Variants in CELF2 observed in about 807,000 individuals in gnomAD.
CELF2 encodes CUGBP Elav-like family member 2.
CELF2 carries 8 observed loss-of-function variants against 62.6 expected under a neutral mutation model. That is an observed-to-expected ratio of 0.13 (90% CI 0.07 to 0.23). CELF2 has a LOEUF of 0.23. Ranked by LOEUF, CELF2 falls within the 10% of genes least tolerant of loss-of-function variation. The probability of loss-of-function intolerance (pLI) is 1.00; values close to 1 mark genes in which losing one functional copy is unlikely to be tolerated. For missense variants in CELF2, 333 were observed against 671.0 expected, an observed-to-expected ratio of 0.50 and a Z score of 5.56; for synonymous variants, 258 against 250.0, an observed-to-expected ratio of 1.03 and a Z score of -0.30.
chr10:10,578,555 G>T, the CELF2 span, among the ~76,000 whole-genome samples: 1 of 152,028 alleles, frequency 6.6e-6, no homozygotes, highest in Non-Finnish European at 1.5e-5. Flanking sequence ...CTTTCATGAG[G>T]TCCTCTGTTA....
At chr10:11,140,954 C>T (rs2061253226) in intron 1 of CELF2, among the ~76,000 whole-genome samples, 1 of 152,166 alleles carries the variant, frequency 6.6e-6, no homozygotes, top group Admixed American at 6.5e-5. Context: ...GGTGTTGAGG[C>T]TACAGTGAGC....
chr10:10,628,274 G>A, the CELF2 span, among the ~76,000 whole-genome samples: 50 of 134,420 alleles, frequency 3.7e-4, no homozygotes, highest in African/African-American at 1.2e-3. Flanking sequence ...AATGTTATCA[G>A]TATCCTCATG....
At chr10:10,960,673 A>G (rs1454991255) in intron 2 of CELF2, among the ~76,000 whole-genome samples, 4 of 152,258 alleles carry the variant, frequency 2.6e-5, no homozygotes, top group African/African-American at 4.8e-5. Flanking sequence ...TAAACAGAGT[A>G]TTTGATTTGA....
At chr10:11,092,050 A>G (rs78913466) in intron 1 of CELF2, among the ~76,000 whole-genome samples, 2,510 of 146,076 alleles carry the variant, frequency 0.017, 66 homozygotes, top group African/African-American at 0.059. Flanking sequence ...TACATCTAGA[A>G]TTTAATCTGT....
chr10:11,112,147 C>T (rs754930489), intron 1 of CELF2, among the ~76,000 whole-genome samples: 3 of 152,212 alleles, frequency 2.0e-5, no homozygotes, highest in Non-Finnish European at 4.4e-5. Context: ...CTAGGCAGAC[C>T]CTGAGCTGAT....
chr10:11,096,158 C>G (rs2049824640), intron 1 of CELF2: 2 of 152,216 alleles, frequency 1.3e-5, no homozygotes, highest in Non-Finnish European at 2.9e-5. Flanking sequence ...TACCTCTGAA[C>G]AACTAAAGCT....
At chr10:11,226,748 C>T (rs1302350363) in intron 3 of CELF2, among the ~76,000 whole-genome samples, 2 of 152,066 alleles carry the variant, frequency 1.3e-5, no homozygotes, top group East Asian at 1.9e-4. Flanking sequence ...ATTCAGCGAG[C>T]GAGGCAAGGT....
the CELF2 span, among the ~76,000 whole-genome samples, chr10:10,566,430 T>TTA: frequency 0.12 from 17,769 of 148,184 alleles, 1,322 homozygotes; most frequent in Non-Finnish European, 0.16. Context: ...TTTTTTTTTT[T>TTA]ATTATACTCT....
chr10:11,015,164 G>C (rs2057072828), upstream of CELF2, among the ~76,000 whole-genome samples: 1 of 152,142 alleles, frequency 6.6e-6, no homozygotes, highest in Admixed American at 6.5e-5. The surrounding 1 kb of genome is among the most constrained non-coding windows in gnomAD (Gnocchi z 4.8). Flanking sequence ...GCTCGTTACT[G>C]CATGAAAATT....
chr10:11,251,199 A>G (rs907421076), intron 4 of CELF2, among the ~76,000 whole-genome samples: 2 of 151,724 alleles, frequency 1.3e-5, no homozygotes, highest in Non-Finnish European at 2.9e-5. Flanking sequence ...GGTTGTAGAT[A>G]TAGAAACATG....
chr10:11,133,715 C>G (rs899214182), intron 1 of CELF2, among the ~76,000 whole-genome samples: 1 of 152,226 alleles, frequency 6.6e-6, no homozygotes, highest in African/African-American at 2.4e-5. Context: ...GAGTAAATTC[C>G]TGTGGCGGCC....
At chr10:10,530,781 CA>C in the CELF2 span, among the ~76,000 whole-genome samples, 1 of 152,296 alleles carries the variant, frequency 6.6e-6, no homozygotes, top group East Asian at 1.9e-4. Flanking sequence ...CTGAAGTGGC[CA>C]ATATGTCATG....
chr10:11,134,401 G>A (rs1375330922), intron 1 of CELF2, among the ~76,000 whole-genome samples: 3 of 152,240 alleles, frequency 2.0e-5, no homozygotes, highest in African/African-American at 7.2e-5. Context: ...TCATCCCCCT[G>A]GGAACTTTCG....
At chr10:10,656,352 C>T in the CELF2 span, among the ~76,000 whole-genome samples, 1 of 143,078 alleles carries the variant, frequency 7.0e-6, no homozygotes, top group African/African-American at 2.6e-5. Context: ...ACCATTTGAC[C>T]CAGCCATCCC....
chr10:11,152,174 G>A (rs866473568), intron 1 of CELF2, among the ~76,000 whole-genome samples: 1 of 152,150 alleles, frequency 6.6e-6, no homozygotes, highest in African/African-American at 2.4e-5. Context: ...ACATGCAGGG[G>A]TGCAGCCAAT....
At chr10:11,283,931 T>C (rs2090024106) in intron 8 of CELF2, among the ~76,000 whole-genome samples, 1 of 137,018 alleles carries the variant, frequency 7.3e-6, no homozygotes, top group African/African-American at 2.8e-5. Context: ...GATGGATGAG[T>C]GTGTGGTGGG....
intron 1 of CELF2, among the ~76,000 whole-genome samples, chr10:11,153,779 T>G (rs958710424): frequency 6.6e-6 from 1 of 152,256 alleles, no homozygotes; most frequent in African/African-American, 2.4e-5. Context: ...GTCCCTAAAC[T>G]GGCATCTTGT....
the CELF2 span, among the ~76,000 whole-genome samples, chr10:10,521,483 A>C: frequency 6.6e-6 from 1 of 152,316 alleles, no homozygotes; most frequent in East Asian, 1.9e-4. Flanking sequence ...AATAGCTAAA[A>C]CAGTTTTCAT....
intron 3 of CELF2, among the ~76,000 whole-genome samples, chr10:11,248,130 G>A (rs535664738): frequency 1.2e-4 from 19 of 152,316 alleles, no homozygotes; most frequent in African/African-American, 2.4e-4. Context: ...AAGCATTTGC[G>A]CAGCCAGTGA....
Sources: gnomAD v4.1 joint callset for allele counts (sites outside exome capture counted in the v4.1 genomes callset) on GRCh38, gnomAD v4.1.1 for gene constraint, Gnocchi (gnomAD v3.1) non-coding constraint, MANE v1.5 for transcripts, NCBI Gene and HGNC (gene_info 2026-07-23, HGNC 2026-07-21) for gene names.